Variants in CNTNAP1 observed in about 807,000 individuals in gnomAD.
CNTNAP1 encodes the protein contactin associated protein 1, also known as contactin-associated protein 1.
A neutral mutation model predicts 161.5 loss-of-function variants in CNTNAP1; 80 were observed. That is an observed-to-expected ratio of 0.50 (90% CI 0.41 to 0.60). The LOEUF is 0.60. Ranked by LOEUF, CNTNAP1 falls within the 20% of genes least tolerant of loss-of-function variation. CNTNAP1 has a pLI of 0.00. For synonymous variants in CNTNAP1, 695 were observed against 733.1 expected, an observed-to-expected ratio of 0.95 and a Z score of 0.84; for missense variants, 1,464 against 1,854.8, an observed-to-expected ratio of 0.79 and a Z score of 3.87.
intron 12 of CNTNAP1, 78 bp downstream of exon 12, chr17:42,690,285 C>T: frequency 6.5e-7 from 1 of 1,541,940 alleles, no homozygotes; most frequent in Non-Finnish European, 8.9e-7. Context: ...GCCAGTTAGA[C>T]TAAACAAGTG....
intron 11 of CNTNAP1, 130 bp from the exon 12 acceptor site, chr17:42,689,958 C>A: frequency 1.0e-6 from 1 of 1,000,864 alleles, no homozygotes; most frequent in Non-Finnish European, 1.5e-6. Flanking sequence ...CCAGGCTGGT[C>A]TCGAACTCCT....
At chr17:42,698,470 T>C in intron 23 of CNTNAP1, 148 bp from the exon 24 acceptor site, 1 of 631,270 alleles carries the variant, frequency 1.6e-6, no homozygotes, top group Non-Finnish European at 2.7e-6. Flanking sequence ...TGTGTGTGTG[T>C]GTGTGTGTGT....
chr17:42,685,432 G>T lies in CNTNAP1; in HGVS notation c.715+12G>T, dbSNP rs199605282. ...GCACATGAGCCTGGGTGAGCTCGGC[G>T]ACCATGTGCGATGCGGAGCCAACCC... On this transcript the variant is annotated intron_variant, in intron 5 of 23. Coordinates refer to ENST00000264638, the MANE Select transcript of CNTNAP1 (RefSeq NM_003632.3). The surrounding 1 kb of genome is among the most constrained non-coding windows in gnomAD (Gnocchi z 5.0). 1.5e-5 allele frequency: 24 copies of T among 1,596,634 alleles called. No individual in the cohort carries two copies. The East Asian group carries it at 2.2e-4, about 15-fold the overall frequency.
At chr17:42,684,956 C>T in intron 3 of CNTNAP1, 35 bp from the exon 4 acceptor site, 3 of 1,602,456 alleles carry the variant, frequency 1.9e-6, no homozygotes, top group South Asian at 1.1e-5. Flanking sequence ...AAGCAGAGGG[C>T]AGGACGTGGT....
At chr17:42,686,839 G>GAAAGCAT in intron 6 of CNTNAP1, 64 bp from the exon 7 acceptor site, 1 of 1,519,304 alleles carries the variant, frequency 6.6e-7, no homozygotes, top group Non-Finnish European at 8.9e-7. Context: ...ATACGGCGGG[G>GAAAGCAT]ACGCGCGAGA....
chr17:42,690,915 T>C lies in CNTNAP1; in HGVS notation c.2032T>C (p.Tyr678His). ...TGAACAGTGGATCGAGTTCTCCTGCTACAATTCCCGGCTGCTCAACACTGC... is the reference window on the plus strand; with the variant it reads ...TGAACAGTGGATCGAGTTCTCCTGCCACAATTCCCGGCTGCTCAACACTGC... The part of the protein sequence containing the change: ...HCEQWIEFSC[Y>H]NSRLLNTAGG... Residue 678 changes from tyrosine (Y) to histidine (H), a missense_variant, in exon 13 of 24, where the codon TAC becomes CAC. By Grantham distance (83) the Tyr-to-His change is moderately conservative. Transcript: ENST00000264638. The C allele has an allele frequency of 8.7e-6, 14 of 1,614,196 alleles. No homozygotes were observed. Among genetic ancestry groups the C allele is most frequent in the Non-Finnish European group, 1.0e-5 (12 of 1,180,036 alleles).
In CNTNAP1 at chr17:42,691,511, C is replaced by T. The variant is rs757901877; in HGVS notation, c.2344C>T (p.Arg782Ter). Residue 782 changes from arginine (R) to a stop codon, truncating the protein, a stop_gained and splice_region_variant, in exon 15 of 24, where the codon CGA becomes TGA. Transcript: ENST00000264638. LOFTEE classifies it high-confidence loss of function. The surrounding 1 kb of genome is among the most constrained non-coding windows in gnomAD (Gnocchi z 4.3). ...FLRPLRCYGD[R>*]NSWNTISFHT... ...GAGGCCTCTGCGCTGCTATGGCGAT[C>T]GTGAGTGGCAGTCCCCTTTTGTGTG... 9.9e-6 allele frequency: 16 copies of T among 1,613,884 alleles called. No homozygotes were observed. Among genetic ancestry groups the T allele is most frequent in the East Asian group, 2.2e-5 (1 of 44,882 alleles).
At position 42,688,518 on chromosome 17, in the gene CNTNAP1, C is replaced by A. The variant is rs1438676184; in HGVS notation, c.1363C>A (p.His455Asn). ...HEVNFVAQEN[H>N]AVISIDDVEG... is the part of the protein sequence containing the mutation. Reference sequence around the variant, plus strand: ...GGTGAATTTTGTGGCACAGGAAAACCATGCAGTTATCAGCATTGATGATGT... The same window carrying A: ...GGTGAATTTTGTGGCACAGGAAAACAATGCAGTTATCAGCATTGATGATGT... The change falls in exon 9 of 24, where the codon CAT (histidine) becomes AAT (asparagine). Residue 455 changes from histidine to asparagine, a missense_variant. By Grantham distance (68) the His-to-Asn change is moderately conservative. Transcript: ENST00000264638. 6.8e-6 allele frequency: 11 copies of A among 1,614,032 alleles called. No individual in the cohort carries two copies. Among genetic ancestry groups the A allele is most frequent in the African/African-American group, 1.3e-5 (1 of 74,900 alleles).
In CNTNAP1 at chr17:42,698,749, C is replaced by A. The variant is rs769599374; in HGVS notation, c.3994C>A (p.Pro1332Thr). The A allele has an allele frequency of 6.2e-7, 1 of 1,613,284 alleles. No homozygotes were observed. Among genetic ancestry groups the A allele is most frequent in the Non-Finnish European group, 8.5e-7 (1 of 1,179,922 alleles). Residue 1332 changes from proline (P) to threonine (T), a missense_variant, in exon 24 of 24, where the codon CCT becomes ACT. Pro to Thr is a conservative substitution (Grantham distance 38). Transcript: ENST00000264638. ...AAHEYHPGSK[P>T]PLPTSGPAQV... ...CCACGAGTACCATCCTGGCAGCAAA[C>A]CTCCCCTACCCACTTCAGGCCCTGC...
chr17:42,691,217 C>T lies in CNTNAP1; in HGVS notation c.2140C>T (p.Arg714Cys), dbSNP rs760493388. The T allele has an allele frequency of 9.9e-6, 16 of 1,614,060 alleles. No individual in the cohort carries two copies. The highest frequency in any genetic ancestry group is 1.7e-5 in the Admixed American group (1 of 60,006). ...YWGGSQPGIQ[R>C]CACGLDRSCV... Reference sequence around the variant, plus strand: ...GGGAGGCTCCCAGCCTGGGATCCAGCGCTGTGCCTGTGGTCTGGACCGGAG... The same window carrying T: ...GGGAGGCTCCCAGCCTGGGATCCAGTGCTGTGCCTGTGGTCTGGACCGGAG... The change falls in exon 14 of 24, where the codon CGC (arginine) becomes TGC (cysteine). Residue 714 changes from arginine to cysteine, a missense_variant. Physicochemically the swap from Arg to Cys is radical, Grantham distance 180 (BLOSUM62 -3). This residue lies in a region of CNTNAP1 where 1,383 missense variants were observed against 1,765.0 expected (regional missense o/e 0.78). Coordinates refer to ENST00000264638, the MANE Select transcript of CNTNAP1 (RefSeq NM_003632.3). The surrounding 1 kb of genome is among the most constrained non-coding windows in gnomAD (Gnocchi z 4.3).
In CNTNAP1 at chr17:42,695,727, C is replaced by G. The variant is rs746339446; in HGVS notation, c.3199C>G (p.Arg1067Gly). Residue 1067 changes from arginine (R) to glycine (G), a missense_variant, in exon 19 of 24, where the codon CGG (arginine) becomes GGG (glycine). Physicochemically the swap from Arg to Gly is moderately radical, Grantham distance 125. This residue lies in a region of CNTNAP1 where 1,383 missense variants were observed against 1,765.0 expected (regional missense o/e 0.78). Coordinates refer to ENST00000264638, the MANE Select transcript of CNTNAP1 (RefSeq NM_003632.3). ...YRLPDYPRPG[R>G]PVPGYRGPVY... The stretch of plus-strand genomic sequence containing the variant: ...CCTGCCCGACTACCCCCGGCCTGGT[C>G]GGCCTGTGCCCGGTTACCGTGGGCC... The G allele has an allele frequency of 1.2e-6, 2 of 1,614,152 alleles. No homozygotes were observed. The highest frequency in any genetic ancestry group is 1.7e-6 in the Non-Finnish European group (2 of 1,180,024).
At chr17:42,686,848 G>A in intron 6 of CNTNAP1, 55 bp from the exon 7 acceptor site, 1 of 1,535,594 alleles carries the variant, frequency 6.5e-7, no homozygotes, top group Non-Finnish European at 8.8e-7. Context: ...GGACGCGCGA[G>A]AAAGGCAGGC....
At position 42,695,712 on chromosome 17, in the gene CNTNAP1, T is replaced by C; in HGVS notation, c.3184T>C (p.Tyr1062His). The change falls in exon 19 of 24, where the codon TAC becomes CAC. Residue 1062 changes from tyrosine to histidine, a missense_variant. Physicochemically the swap from Tyr to His is moderately conservative, Grantham distance 83. Around this residue, in one of 3 missense-constraint regions of CNTNAP1, gnomAD observed 1,383 missense variants for 1,765.0 expected, o/e 0.78. Transcript: ENST00000264638. ...TGGCCCCGGGTACCGCCTGCCCGACTACCCCCGGCCTGGTCGGCCTGTGCC... is the reference window on the plus strand; with the variant it reads ...TGGCCCCGGGTACCGCCTGCCCGACCACCCCCGGCCTGGTCGGCCTGTGCC... Reference protein sequence around the residue: ...YHGPGYRLPDYPRPGRPVPGY... With the variant: ...YHGPGYRLPDHPRPGRPVPGY... 4 of 1,614,184 alleles carry C rather than the reference T, an allele frequency of 2.5e-6. No homozygotes were observed. Among genetic ancestry groups the C allele is most frequent in the South Asian group, 2.2e-5 (2 of 91,090 alleles).
intron 19 of CNTNAP1, 46 bp from the exon 20 acceptor site, chr17:42,695,979 G>T (rs756199124): frequency 6.2e-7 from 1 of 1,608,226 alleles, no homozygotes; most frequent in South Asian, 1.1e-5. Context: ...TAGAAGATAG[G>T]AGTCATGGGG....
At chr17:42,688,041 G>A in intron 8 of CNTNAP1, 60 bp downstream of exon 8, 1 of 1,575,000 alleles carries the variant, frequency 6.3e-7, no homozygotes, top group Non-Finnish European at 8.6e-7. Flanking sequence ...TCCCAGGAAA[G>A]TTGTAGGCCT....
chr17:42,692,400 C>T, intron 16 of CNTNAP1, 99 bp from the exon 17 acceptor site: 2 of 1,011,274 alleles, frequency 2.0e-6, no homozygotes, highest in Non-Finnish European at 3.0e-6. Flanking sequence ...TCAAGAAGCT[C>T]CAAAGAGGTG....
rs2052950247 is a variant in CNTNAP1 at position 42,682,684 on chromosome 17, G to A, written c.-146G>A. Reference sequence around the variant, plus strand: ...GAGGAGAGACAGAGCGCTTGGGGGCGAAAGGAGAGAGGGAGGGAAGGGTGG... The same window carrying A: ...GAGGAGAGACAGAGCGCTTGGGGGCAAAAGGAGAGAGGGAGGGAAGGGTGG... On this transcript the variant is annotated 5_prime_UTR_variant, in exon 1 of 24. Transcript: ENST00000264638. 11 of 736,374 alleles carry A rather than the reference G, an allele frequency of 1.5e-5. No individual in the cohort carries two copies. The highest frequency in any genetic ancestry group is 2.5e-5 in the Non-Finnish European group (11 of 436,434). The allele number at this position is 736,374 out of a possible 1,614,324, so 45.6% of individuals were successfully genotyped here.
rs772798474 is a variant in CNTNAP1, at chr17:42,692,026, G to A, written c.2530+35G>A. 2.5e-6 allele frequency: 4 copies of A among 1,602,174 alleles called. No individual in the cohort carries two copies. The East Asian group carries it at 9.0e-5, about 36-fold the overall frequency. On this transcript the variant is annotated intron_variant, in intron 16 of 23. Coordinates refer to ENST00000264638, the MANE Select transcript of CNTNAP1 (RefSeq NM_003632.3). ...CAGACTGTGGGAGGGCCTCGGGGTA[G>A]ATGAAAGTGCTGTCTGGGGAGACAG...
In CNTNAP1 at chr17:42,691,905, C is replaced by A. The variant is rs746361190; in HGVS notation, c.2444C>A (p.Thr815Asn). The change falls in exon 16 of 24, where the codon ACC (threonine) becomes AAC (asparagine). Residue 815 changes from threonine (T) to asparagine (N), a missense_variant. By Grantham distance (65) the Thr-to-Asn change is moderately conservative. Around this residue, in one of 3 missense-constraint regions of CNTNAP1, gnomAD observed 1,383 missense variants for 1,765.0 expected, o/e 0.78. Transcript: ENST00000264638. The surrounding 1 kb of genome is among the most constrained non-coding windows in gnomAD (Gnocchi z 4.3). ...CTGGATGTCTCCTTCTACTTCAGGA[C>A]CTCTGCTCCCTCGGGGGTCTTCCTA... ...HSLDVSFYFR[T>N]SAPSGVFLEN... 1 of 1,614,182 alleles carries A rather than the reference C, an allele frequency of 6.2e-7. No individual in the cohort carries two copies. The highest frequency in any genetic ancestry group is 1.1e-5 in the South Asian group (1 of 91,076).
Sources: allele counts gnomAD v4.1 joint callset, GRCh38; gene constraint gnomAD v4.1.1; regional missense constraint gnomAD v4.1.1; non-coding constraint Gnocchi (gnomAD v3.1); transcripts MANE v1.5; gene names NCBI Gene and HGNC (gene_info 2026-07-23, HGNC 2026-07-21).